Variants in KAZN observed in about 807,000 individuals in gnomAD.
KAZN encodes the protein kazrin.
In KAZN, 40 loss-of-function variants were observed where a neutral mutation model predicts 87.4. The ratio of observed to expected loss-of-function variants is 0.46; its 90% CI spans 0.36 to 0.60. The LOEUF is 0.60. KAZN is among the 20% of genes least tolerant of loss of function. The pLI is 0.00. For synonymous variants in KAZN, 466 were observed against 458.3 expected (o/e 1.02, Z -0.22); for missense variants, 898 against 1,073.9 (o/e 0.84, Z 2.29).
intron 1 of KAZN, among the ~76,000 whole-genome samples, chr1:13,916,930 A>G (rs572367399): frequency 6.6e-6 from 1 of 152,294 alleles, no homozygotes; most frequent in African/African-American, 2.4e-5. Flanking sequence ...GACTTTGTAC[A>G]CATGTGGAGG....
At chr1:14,049,891 A>G (rs1349842640) in intron 1 of KAZN, among the ~76,000 whole-genome samples, 1 of 152,166 alleles carries the variant, frequency 6.6e-6, no homozygotes, top group Non-Finnish European at 1.5e-5. Flanking sequence ...TGACAGTGTC[A>G]CCCAGAGGGC....
intron 2 of KAZN, among the ~76,000 whole-genome samples, chr1:14,441,180 C>T (rs1381814342): frequency 6.6e-6 from 1 of 152,160 alleles, no homozygotes; most frequent in Non-Finnish European, 1.5e-5. Flanking sequence ...ATTAATTAAG[C>T]TCAGAAAGCA....
intron 1 of KAZN, among the ~76,000 whole-genome samples, chr1:13,970,266 A>T (rs1642090808): frequency 6.6e-6 from 1 of 152,256 alleles, no homozygotes. Context: ...ATTAAATATT[A>T]GCAAAAAGTG....
At chr1:15,059,193 T>TCCC (rs1350992909) in intron 5 of KAZN, among the ~76,000 whole-genome samples, 3 of 150,576 alleles carry the variant, frequency 2.0e-5, no homozygotes, top group African/African-American at 7.4e-5. Flanking sequence ...CTCTTCCGCC[T>TCCC]CCCGAAGTGC....
chr1:15,004,153 G>A (rs562258163), intron 2 of KAZN, among the ~76,000 whole-genome samples: 98 of 152,290 alleles, frequency 6.4e-4, no homozygotes, highest in African/African-American at 2.3e-3. Flanking sequence ...CAACCTCATG[G>A]TGCTGTCTGG....
At chr1:14,885,404 G>T (rs1653925977) in intron 1 of KAZN, among the ~76,000 whole-genome samples, 1 of 152,102 alleles carries the variant, frequency 6.6e-6, no homozygotes, top group Non-Finnish European at 1.5e-5. Flanking sequence ...ATCATTTGGG[G>T]TTCCCCTAAG....
chr1:14,419,744 T>C (rs1271854429), intron 2 of KAZN, among the ~76,000 whole-genome samples: 1 of 152,020 alleles, frequency 6.6e-6, no homozygotes, highest in African/African-American at 2.4e-5. Flanking sequence ...GCGTTAGGAC[T>C]CTTAAGGCGG....
At chr1:14,824,821 T>G (rs1646838242) in intron 1 of KAZN, among the ~76,000 whole-genome samples, 1 of 152,254 alleles carries the variant, frequency 6.6e-6, no homozygotes, top group East Asian at 1.9e-4. Flanking sequence ...GTTGACTTCC[T>G]GACACTTGGT....
At chr1:14,615,698 G>A (rs867575457) in intron 1 of KAZN, among the ~76,000 whole-genome samples, 2 of 151,796 alleles carry the variant, frequency 1.3e-5, no homozygotes, top group South Asian at 2.1e-4. Context: ...GGTTCCAATC[G>A]TATGGCCAAC....
At chr1:14,430,193 C>T (rs571711886) in intron 2 of KAZN, among the ~76,000 whole-genome samples, 9 of 150,588 alleles carry the variant, frequency 6.0e-5, no homozygotes, top group Non-Finnish European at 1.2e-4. Context: ...TGTCCACCTC[C>T]ACCACCTCTG....
chr1:14,303,983 C>A (rs1654745751), intron 2 of KAZN, among the ~76,000 whole-genome samples: 1 of 152,220 alleles, frequency 6.6e-6, no homozygotes, highest in African/African-American at 2.4e-5. Context: ...GTATACCCGA[C>A]TCTCAAAATG....
chr1:13,908,286 C>G (rs1639520934), intron 1 of KAZN, among the ~76,000 whole-genome samples: 1 of 152,238 alleles, frequency 6.6e-6, no homozygotes, highest in African/African-American at 2.4e-5. Flanking sequence ...CTTGCCTGCT[C>G]TAGCATGAAG....
chr1:14,258,218 C>T (rs74761243), intron 2 of KAZN, among the ~76,000 whole-genome samples: 66 of 126,420 alleles, frequency 5.2e-4, no homozygotes, highest in Non-Finnish European at 8.7e-4. Context: ...TTCTTTCTTT[C>T]TTTTTTTTTT....
intron 2 of KAZN, among the ~76,000 whole-genome samples, chr1:14,406,667 A>T (rs933172352): frequency 1.3e-5 from 2 of 152,168 alleles, no homozygotes; most frequent in Non-Finnish European, 2.9e-5. Flanking sequence ...ACCAAATACC[A>T]CCTGTTCCCC....
chr1:14,332,278 A>G, intron 2 of KAZN, among the ~76,000 whole-genome samples: 1 of 152,162 alleles, frequency 6.6e-6, no homozygotes, highest in East Asian at 1.9e-4. Context: ...GCTGTTGGGC[A>G]GAGTGTATTC....
intron 1 of KAZN, among the ~76,000 whole-genome samples, chr1:14,771,130 C>T (rs112736960): frequency 5.3e-5 from 8 of 152,152 alleles, no homozygotes; most frequent in African/African-American, 1.9e-4. Flanking sequence ...GTGATCATTG[C>T]CATATGAACA....
chr1:14,853,639 C>A (rs1649728102), intron 1 of KAZN, among the ~76,000 whole-genome samples: 1 of 152,124 alleles, frequency 6.6e-6, no homozygotes, highest in South Asian at 2.1e-4. Context: ...TGCAGCAGTG[C>A]CCTTAATCTG....
At chr1:14,088,543 A>G (rs1406262641) in intron 1 of KAZN, among the ~76,000 whole-genome samples, 1 of 151,978 alleles carries the variant, frequency 6.6e-6, no homozygotes, top group East Asian at 1.9e-4. Context: ...AGATTGTTTT[A>G]TGATCCAGAA....
At chr1:15,110,177 ATGTGTGTTG>A (rs1297686398) in intron 13 of KAZN, among the ~76,000 whole-genome samples, 4 of 98,266 alleles carry the variant, frequency 4.1e-5, no homozygotes, top group East Asian at 1.9e-3. Flanking sequence ...GTGTGTGTAT[ATGTGTGTTG>A]TGTATGTGTG....
Sources: allele counts gnomAD v4.1 joint callset (sites outside exome capture counted in the v4.1 genomes callset), GRCh38; gene constraint gnomAD v4.1.1; transcripts MANE v1.5; gene names NCBI Gene and HGNC (gene_info 2026-07-23, HGNC 2026-07-21).